Variants in THRAP3 observed in about 807,000 individuals in gnomAD.
THRAP3 encodes the protein thyroid hormone receptor-associated protein 3.
Under a neutral mutation model 101.0 loss-of-function variants are expected in THRAP3, and 16 were observed. The ratio of observed to expected loss-of-function variants is 0.16; its 90% CI spans 0.11 to 0.24. The LOEUF is 0.24. Among genes scored for constraint, THRAP3 ranks in the 10% least tolerant of loss-of-function variants. THRAP3 has a pLI of 1.00. For missense variants in THRAP3, 989 were observed against 1,202.7 expected, an observed-to-expected ratio of 0.82 and a Z score of 2.63; for synonymous variants, 407 against 422.6, an observed-to-expected ratio of 0.96 and a Z score of 0.45.
At chr1:36,301,975 A>G (rs189593146) in intron 11 of THRAP3, among the ~76,000 whole-genome samples, 27 of 152,286 alleles carry the variant, frequency 1.8e-4, no homozygotes, top group Admixed American at 8.5e-4. Flanking sequence ...TTTACTGCTC[A>G]CCCACCACCA....
intron 11 of THRAP3, among the ~76,000 whole-genome samples, chr1:36,303,452 TAAATG>T (rs1178833319): frequency 6.6e-6 from 1 of 152,150 alleles, no homozygotes; most frequent in Non-Finnish European, 1.5e-5. Context: ...ATAGGAGAAT[TAAATG>T]AGATAGTACA....
chr1:36,254,397 A>G (rs1645347248), intron 1 of THRAP3, among the ~76,000 whole-genome samples: 1 of 152,208 alleles, frequency 6.6e-6, no homozygotes, highest in Admixed American at 6.5e-5. Flanking sequence ...CAATAACAAA[A>G]TGATTCACAC....
At chr1:36,223,894 G>A (rs983451089), upstream of THRAP3, among the ~76,000 whole-genome samples, 5 of 152,190 alleles carry the variant, frequency 3.3e-5, no homozygotes, top group Non-Finnish European at 7.3e-5. Flanking sequence ...GGGTGCTTGA[G>A]GCTTTCCTGT....
chr1:36,214,380 T>A, the THRAP3 span, among the ~76,000 whole-genome samples: 2 of 152,194 alleles, frequency 1.3e-5, no homozygotes, highest in Non-Finnish European at 2.9e-5. Context: ...GTAGATATGA[T>A]CTCCTAAATG....
At chr1:36,303,112 ATTTTTT>A (rs397936228) in intron 11 of THRAP3, among the ~76,000 whole-genome samples, 50 of 125,160 alleles carry the variant, frequency 4.0e-4, no homozygotes, top group South Asian at 1.5e-3. Context: ...TGCCTGGCTA[ATTTTTT>A]TTTTTTTTTT....
chr1:36,273,292 A>G (rs1293481082), intron 2 of THRAP3, among the ~76,000 whole-genome samples: 1 of 152,236 alleles, frequency 6.6e-6, no homozygotes, highest in Non-Finnish European at 1.5e-5. Flanking sequence ...TAAGGAGCGC[A>G]GGCTCACATG....
intron 2 of THRAP3, among the ~76,000 whole-genome samples, chr1:36,270,603 G>A (rs1436241635): frequency 7.8e-6 from 1 of 127,468 alleles, no homozygotes; most frequent in Non-Finnish European, 1.6e-5. Context: ...TTGAGACGGA[G>A]TTTCGCTCTT....
chr1:36,292,191 T>C lies in THRAP3; in HGVS notation c.1919-407T>C, dbSNP rs1179266376. ...GATTTAACTACTTTAGGTGCATCTCTGTGGTTACGGGTTCCTGCAAAAGAG... is the reference window on the plus strand; with the variant it reads ...GATTTAACTACTTTAGGTGCATCTCCGTGGTTACGGGTTCCTGCAAAAGAG... On this transcript the variant is annotated intron_variant, in intron 6 of 11. Transcript: ENST00000354618. Among the ~76,000 whole-genome samples the C allele has an allele frequency of 3.5e-4, 53 of 151,636 alleles. 1 individual carries two copies. Among genetic ancestry groups the C allele is most frequent in the Admixed American group, 3.5e-3 (53 of 15,180 alleles).
intron 1 of THRAP3, among the ~76,000 whole-genome samples, chr1:36,244,037 C>T (rs561976889): frequency 6.6e-6 from 1 of 151,464 alleles, no homozygotes; most frequent in Non-Finnish European, 1.5e-5. Flanking sequence ...CCCCCACCTC[C>T]CTCCCGGACG....
intron 2 of THRAP3, among the ~76,000 whole-genome samples, chr1:36,282,205 C>T (rs1192183200): frequency 2.0e-5 from 3 of 151,298 alleles, no homozygotes; most frequent in African/African-American, 7.3e-5. Context: ...GGATTACAGG[C>T]GTGAGCCACC....
At chr1:36,220,972 A>AAAAAAAATATATATATATATAT (rs1285765741), upstream of THRAP3, among the ~76,000 whole-genome samples, 1 of 94,124 alleles carries the variant, frequency 1.1e-5, no homozygotes, top group African/African-American at 4.7e-5. Flanking sequence ...AAAAAAAAAA[A>AAAAAAAATATATATATATATAT]ATATATATAT....
chr1:36,266,158 A>AG (rs1327388961), intron 2 of THRAP3, among the ~76,000 whole-genome samples: 1 of 64,348 alleles, frequency 1.6e-5, no homozygotes, highest in East Asian at 9.2e-4. Flanking sequence ...TTCTCAAAAA[A>AG]AGAAAAAAAA....
the THRAP3 span, among the ~76,000 whole-genome samples, chr1:36,212,418 C>CTTTTTTTTTTTTTTTTTTTT: frequency 8.2e-6 from 1 of 122,046 alleles, no homozygotes; most frequent in African/African-American, 3.3e-5. Context: ...TTCTTTCTTT[C>CTTTTTTTTTTTTTTTTTTTT]TTTTTTTTTT....
chr1:36,231,710 T>C (rs1247368272), intron 1 of THRAP3, among the ~76,000 whole-genome samples: 1 of 152,156 alleles, frequency 6.6e-6, no homozygotes, highest in Admixed American at 6.6e-5. Flanking sequence ...TGAGACTGTA[T>C]TGTAAAGTTA....
At chr1:36,213,030 A>G in the THRAP3 span, among the ~76,000 whole-genome samples, 6 of 152,308 alleles carry the variant, frequency 3.9e-5, no homozygotes, top group East Asian at 5.8e-4. Context: ...TGACTGGAAC[A>G]CTGTGTATGA....
At chr1:36,224,199 C>A (rs966513720), upstream of THRAP3, among the ~76,000 whole-genome samples, 2 of 152,272 alleles carry the variant, frequency 1.3e-5, no homozygotes, top group Non-Finnish European at 2.9e-5. Context: ...CCGCCCTCCT[C>A]CATCTCCAGG....
chr1:36,211,492 C>T, the THRAP3 span, among the ~76,000 whole-genome samples: 2 of 152,250 alleles, frequency 1.3e-5, no homozygotes, highest in African/African-American at 4.8e-5. Flanking sequence ...GAGCCATATT[C>T]GTACCACTTC....
chr1:36,210,622 G>A, the THRAP3 span, among the ~76,000 whole-genome samples: 4,348 of 133,180 alleles, frequency 0.033, 136 homozygotes, highest in East Asian at 0.14. Flanking sequence ...CCAAGGAGGT[G>A]GAGGTTGCAG....
At chr1:36,229,720 T>A (rs1645004711) in intron 1 of THRAP3, among the ~76,000 whole-genome samples, 1 of 152,084 alleles carries the variant, frequency 6.6e-6, no homozygotes, top group Non-Finnish European at 1.5e-5. Context: ...TGGCGCAATC[T>A]CAGCTCACCG....
Sources: allele counts gnomAD v4.1 joint callset (sites outside exome capture counted in the v4.1 genomes callset), GRCh38; gene constraint gnomAD v4.1.1; transcripts MANE v1.5; gene names NCBI Gene and HGNC (gene_info 2026-07-23, HGNC 2026-07-21).